Variants in NCALD observed in about 807,000 individuals in gnomAD.
NCALD encodes neurocalcin-delta.
In NCALD, 10 loss-of-function variants were observed where a neutral mutation model predicts 18.6. The observed-to-expected ratio is 0.54, with a 90% CI of 0.33 to 0.91. The LOEUF (loss-of-function observed/expected upper bound fraction) is 0.91. NCALD is among the 40% of genes least tolerant of loss of function. The probability of loss-of-function intolerance (pLI) is 0.03; values close to 1 mark genes in which losing one functional copy is unlikely to be tolerated. For synonymous variants in NCALD, 88 were observed against 87.4 expected, an observed-to-expected ratio of 1.01 and a Z score of -0.04; for missense variants, 184 against 247.6, an observed-to-expected ratio of 0.74 and a Z score of 1.72.
intron 2 of NCALD, among the ~76,000 whole-genome samples, chr8:101,968,797 A>C (rs1820129902): frequency 6.6e-6 from 1 of 152,146 alleles, no homozygotes; most frequent in Non-Finnish European, 1.5e-5. Context: ...AAATTCTATC[A>C]TAAATTTTTC....
intron 1 of NCALD, among the ~76,000 whole-genome samples, chr8:102,098,312 A>G (rs1825169902): frequency 6.6e-6 from 1 of 151,996 alleles, no homozygotes; most frequent in South Asian, 2.1e-4. Context: ...TGGGGTATTT[A>G]TCCTCCCCAT....
intron 4 of NCALD, among the ~76,000 whole-genome samples, chr8:101,804,329 A>C (rs1335919843): frequency 1.4e-5 from 1 of 72,948 alleles, no homozygotes; most frequent in Non-Finnish European, 3.9e-5. Flanking sequence ...ATTATATATA[A>C]TTATATCAAT....
chr8:102,086,602 A>T (rs1215337232), intron 1 of NCALD, among the ~76,000 whole-genome samples: 3 of 152,200 alleles, frequency 2.0e-5, no homozygotes, highest in Non-Finnish European at 4.4e-5. Context: ...TATTCAGTCC[A>T]GTCCAATCCA....
intron 1 of NCALD, among the ~76,000 whole-genome samples, chr8:101,748,269 C>T (rs547954877): frequency 3.3e-5 from 5 of 152,236 alleles, no homozygotes; most frequent in East Asian, 3.9e-4. Flanking sequence ...TAAGCATTTA[C>T]GTTTAGCAGA....
chr8:101,988,039 C>T (rs1274021935), intron 2 of NCALD, among the ~76,000 whole-genome samples: 1 of 151,512 alleles, frequency 6.6e-6, no homozygotes, highest in Non-Finnish European at 1.5e-5. Flanking sequence ...CCTGTAGTCC[C>T]AGCTACTCGG....
intron 2 of NCALD, among the ~76,000 whole-genome samples, chr8:101,932,072 C>T (rs960484547): frequency 1.1e-4 from 17 of 152,196 alleles, no homozygotes; most frequent in African/African-American, 3.9e-4. Flanking sequence ...TAAGCTACAT[C>T]CCACCTACCC....
chr8:101,956,589 G>T (rs1735938448), intron 2 of NCALD, among the ~76,000 whole-genome samples: 1 of 152,128 alleles, frequency 6.6e-6, no homozygotes, highest in Non-Finnish European at 1.5e-5. Context: ...GGGATAGGGA[G>T]AGGGAGGTGG....
At chr8:101,982,097 A>G (rs1409874972) in intron 2 of NCALD, among the ~76,000 whole-genome samples, 1 of 152,170 alleles carries the variant, frequency 6.6e-6, no homozygotes, top group Admixed American at 6.5e-5. Flanking sequence ...TGTACCGTCC[A>G]CCATCATTGT....
intron 1 of NCALD, chr8:101,785,874 T>G (rs975692493): frequency 4.6e-5 from 7 of 152,236 alleles, no homozygotes; most frequent in Admixed American, 4.6e-4. Flanking sequence ...CTGACACTGA[T>G]GGGAACAGAT....
intron 1 of NCALD, among the ~76,000 whole-genome samples, chr8:102,068,242 C>A (rs1246267331): frequency 1.3e-5 from 2 of 152,192 alleles, no homozygotes; most frequent in East Asian, 1.9e-4. Context: ...CGCGCTCCCC[C>A]ACTTAACCCT....
At chr8:101,907,927 C>T (rs1563884828) in intron 3 of NCALD, among the ~76,000 whole-genome samples, 1 of 152,118 alleles carries the variant, frequency 6.6e-6, no homozygotes, top group African/African-American at 2.4e-5. Flanking sequence ...TGGGGAGATG[C>T]CATGCCATGC....
intron 1 of NCALD, among the ~76,000 whole-genome samples, chr8:101,736,379 C>G (rs1032535926): frequency 1.3e-5 from 2 of 152,206 alleles, no homozygotes; most frequent in East Asian, 3.8e-4. Context: ...CATGTCTCAG[C>G]AACCACACTG....
At chr8:102,119,690 T>A (rs1215117735) in intron 1 of NCALD, among the ~76,000 whole-genome samples, 1 of 152,158 alleles carries the variant, frequency 6.6e-6, no homozygotes, top group African/African-American at 2.4e-5. Flanking sequence ...AAGACCACCA[T>A]CCCCAGGAAG....
intron 4 of NCALD, among the ~76,000 whole-genome samples, chr8:101,867,304 T>C (rs575241585): frequency 5.9e-5 from 9 of 152,318 alleles, no homozygotes; most frequent in African/African-American, 1.9e-4. Context: ...ATACTACATA[T>C]TTTACTTGCT....
intron 4 of NCALD, among the ~76,000 whole-genome samples, chr8:101,866,592 G>T (rs542915520): frequency 6.6e-6 from 1 of 151,982 alleles, no homozygotes; most frequent in African/African-American, 2.4e-5. Context: ...TTCTCATAAC[G>T]GCAATTCCAT....
chr8:101,998,707 C>G (rs1002292403), intron 2 of NCALD, among the ~76,000 whole-genome samples: 7 of 152,162 alleles, frequency 4.6e-5, no homozygotes, highest in African/African-American at 1.7e-4. Context: ...CCAGATCACC[C>G]TCTGTTTATC....
chr8:102,032,376 A>T (rs1229286346), intron 1 of NCALD, among the ~76,000 whole-genome samples: 1 of 152,274 alleles, frequency 6.6e-6, no homozygotes, highest in African/African-American at 2.4e-5. Context: ...TGTTTTGCAT[A>T]TGATACTCCA....
chr8:101,709,794 T>G (rs1359941207), intron 2 of NCALD, among the ~76,000 whole-genome samples: 1 of 152,232 alleles, frequency 6.6e-6, no homozygotes, highest in Non-Finnish European at 1.5e-5. Flanking sequence ...GAAGAATTCT[T>G]CCTCTTGAGT....
chr8:101,853,519 T>G (rs1252568349), intron 4 of NCALD, among the ~76,000 whole-genome samples: 1 of 152,212 alleles, frequency 6.6e-6, no homozygotes, highest in Non-Finnish European at 1.5e-5. Flanking sequence ...CTTATTAAAA[T>G]GTATTTCTTT....
Sources: gnomAD v4.1 joint callset for allele counts (sites outside exome capture counted in the v4.1 genomes callset) on GRCh38, gnomAD v4.1.1 for gene constraint, MANE v1.5 for transcripts, NCBI Gene and HGNC (gene_info 2026-07-23, HGNC 2026-07-21) for gene names.